Variants in PALS1 observed in about 807,000 individuals in gnomAD.
PALS1 encodes the protein protein associated with LIN7 1, MAGUK p55 family member.
A neutral mutation model predicts 78.9 loss-of-function variants in PALS1; 31 were observed. That is an observed-to-expected ratio of 0.39 (90% CI 0.30 to 0.53). The LOEUF is 0.53. Among genes scored for constraint, PALS1 ranks in the 20% least tolerant of loss-of-function variants. The probability of loss-of-function intolerance (pLI) is 0.67; values close to 1 mark genes in which losing one functional copy is unlikely to be tolerated. For synonymous variants in PALS1, 276 were observed against 270.9 expected (o/e 1.02, Z -0.18); for missense variants, 704 against 826.5 (o/e 0.85, Z 1.82).
intron 1 of PALS1, among the ~76,000 whole-genome samples, chr14:67,247,639 C>T (rs143737108): frequency 1.6e-3 from 244 of 151,994 alleles, no homozygotes; most frequent in African/African-American, 5.6e-3. Flanking sequence ...AGTGTAGTGG[C>T]GCAGCACTGC....
At chr14:67,253,058 A>AG (rs2084090580) in intron 1 of PALS1, among the ~76,000 whole-genome samples, 1 of 152,356 alleles carries the variant, frequency 6.6e-6, no homozygotes, top group Admixed American at 6.5e-5. Context: ...TTACAGTACT[A>AG]TCACTGACTT....
At chr14:67,258,868 GTCTC>G (rs1275142923) in intron 1 of PALS1, among the ~76,000 whole-genome samples, 1 of 151,958 alleles carries the variant, frequency 6.6e-6, no homozygotes, top group Non-Finnish European at 1.5e-5. Context: ...TTGAGATGGA[GTCTC>G]TCTCTGTTTC....
chr14:67,312,821 T>A, intron 9 of PALS1, 111 bp downstream of exon 9: 1 of 907,106 alleles, frequency 1.1e-6, no homozygotes, highest in Non-Finnish European at 1.5e-6. Context: ...AGTATTCCAG[T>A]TACTTTTTCG....
chr14:67,313,023 A>G (rs960874705), intron 9 of PALS1, among the ~76,000 whole-genome samples: 11 of 152,132 alleles, frequency 7.2e-5, no homozygotes, highest in Non-Finnish European at 1.2e-4. Context: ...ACTATATACT[A>G]TGACATTAAT....
chr14:67,268,087 TTCTC>T (rs1453581375), intron 1 of PALS1, among the ~76,000 whole-genome samples: 2 of 152,206 alleles, frequency 1.3e-5, no homozygotes, highest in Non-Finnish European at 2.9e-5. Context: ...GTTTATTTCT[TTCTC>T]TTGTGTGGAA....
intron 3 of PALS1, among the ~76,000 whole-genome samples, chr14:67,284,587 A>G (rs890155410): frequency 7.1e-6 from 1 of 140,800 alleles, no homozygotes; most frequent in Non-Finnish European, 1.5e-5. Context: ...AAAAAAAAAA[A>G]AGGTTGTGCA....
intron 11 of PALS1, among the ~76,000 whole-genome samples, chr14:67,318,892 C>T (rs1364923791): frequency 6.6e-6 from 1 of 151,932 alleles, no homozygotes; most frequent in African/African-American, 2.4e-5. Context: ...TCCATCTCTA[C>T]TAAAAAATAC....
chr14:67,291,613 C>T (rs927754526), intron 3 of PALS1, among the ~76,000 whole-genome samples: 7 of 152,126 alleles, frequency 4.6e-5, no homozygotes, highest in African/African-American at 1.7e-4. Flanking sequence ...TTTAGAATAA[C>T]GTTTTCCAGA....
At chr14:67,247,447 A>G (rs1595557677) in intron 1 of PALS1, among the ~76,000 whole-genome samples, 1 of 152,124 alleles carries the variant, frequency 6.6e-6, no homozygotes, top group Non-Finnish European at 1.5e-5. Context: ...CTAAGTAGAC[A>G]GTCGTGCTCA....
chr14:67,327,883 T>A (rs8019398), intron 14 of PALS1, among the ~76,000 whole-genome samples: 1 of 152,198 alleles, frequency 6.6e-6, no homozygotes, highest in East Asian at 1.9e-4. Flanking sequence ...TAATCCAGTC[T>A]ATCATTGATT....
intron 1 of PALS1, among the ~76,000 whole-genome samples, chr14:67,251,942 G>T (rs902938885): frequency 3.3e-5 from 5 of 152,160 alleles, no homozygotes; most frequent in African/African-American, 1.2e-4. Flanking sequence ...ATTTAATCAT[G>T]CCCATCTAAT....
At chr14:67,275,291 T>C (rs878920740) in intron 2 of PALS1, among the ~76,000 whole-genome samples, 2 of 152,192 alleles carry the variant, frequency 1.3e-5, no homozygotes, top group African/African-American at 4.8e-5. Context: ...TGAGATACAT[T>C]CCATCAATAC....
At chr14:67,286,415 T>G (rs1193744299) in intron 3 of PALS1, among the ~76,000 whole-genome samples, 1 of 152,214 alleles carries the variant, frequency 6.6e-6, no homozygotes, top group Non-Finnish European at 1.5e-5. Context: ...AAGAGTGTAT[T>G]TGACAGGACT....
chr14:67,312,078 T>C (rs1171537579), intron 8 of PALS1: 1 of 152,750 alleles, frequency 6.5e-6, no homozygotes, highest in Non-Finnish European at 1.5e-5. Flanking sequence ...AGTCATTGTT[T>C]TCACAGGTCA....
chr14:67,302,893 T>C (rs2140897946), intron 7 of PALS1, among the ~76,000 whole-genome samples: 1 of 152,338 alleles, frequency 6.6e-6, no homozygotes, highest in South Asian at 2.1e-4. Flanking sequence ...CAAAACAAAG[T>C]CTGTGTCCTG....
At chr14:67,246,511 T>A (rs962321478) in intron 1 of PALS1, among the ~76,000 whole-genome samples, 1 of 152,076 alleles carries the variant, frequency 6.6e-6, no homozygotes, top group Non-Finnish European at 1.5e-5. Context: ...GGCCGATTTT[T>A]AAAATTTTTT....
intron 14 of PALS1, among the ~76,000 whole-genome samples, chr14:67,329,888 A>G (rs1467949606): frequency 6.6e-6 from 1 of 150,870 alleles, no homozygotes; most frequent in African/African-American, 2.4e-5. Flanking sequence ...ATAGATATAG[A>G]AACTAAGAAG....
intron 1 of PALS1, chr14:67,241,977 C>G (rs549584811): frequency 6.6e-6 from 1 of 152,336 alleles, no homozygotes; most frequent in Admixed American, 6.5e-5. Context: ...CTGCCTGACT[C>G]AGCTGCTGGT....
At chr14:67,270,514 A>T (rs2084391869) in intron 2 of PALS1, 1 of 151,558 alleles carries the variant, frequency 6.6e-6, no homozygotes, top group Non-Finnish European at 1.5e-5. Context: ...TCTTCATAAG[A>T]TGGCCTGTTA....
Sources: allele counts gnomAD v4.1 joint callset (sites outside exome capture counted in the v4.1 genomes callset), GRCh38; gene constraint gnomAD v4.1.1; transcripts MANE v1.5; gene names NCBI Gene and HGNC (gene_info 2026-07-23, HGNC 2026-07-21).